Variants in EXOC4 observed in about 807,000 individuals in gnomAD.
The protein encoded by EXOC4 is exocyst complex component 4.
Under a neutral mutation model 107.2 loss-of-function variants are expected in EXOC4, and 71 were observed. That is an observed-to-expected ratio of 0.66 (90% CI 0.55 to 0.81). The LOEUF is 0.81. Among genes scored for constraint, EXOC4 ranks in the 30% least tolerant of loss-of-function variants. The probability of loss-of-function intolerance (pLI) is 0.00; values close to 1 mark genes in which losing one functional copy is unlikely to be tolerated. For missense variants in EXOC4, 1,108 were observed against 1,189.6 expected, an observed-to-expected ratio of 0.93 and a Z score of 1.01; for synonymous variants, 456 against 441.2, an observed-to-expected ratio of 1.03 and a Z score of -0.42.
chr7:133,336,923 C>T (rs534350274), intron 5 of EXOC4, among the ~76,000 whole-genome samples: 35 of 151,770 alleles, frequency 2.3e-4, no homozygotes, highest in South Asian at 2.1e-4. Flanking sequence ...TTAGTAGAGA[C>T]GGGGTTTCAC....
chr7:134,086,139 G>A, the EXOC4 span, among the ~76,000 whole-genome samples: 1 of 152,186 alleles, frequency 6.6e-6, no homozygotes, highest in Non-Finnish European at 1.5e-5. Flanking sequence ...TAGGACTTCA[G>A]TCATAAAAGG....
At chr7:133,653,914 T>C (rs1375316849) in intron 10 of EXOC4, among the ~76,000 whole-genome samples, 7 of 152,174 alleles carry the variant, frequency 4.6e-5, no homozygotes, top group Admixed American at 4.6e-4. Context: ...AGAAATTCTG[T>C]TTCTGTTGGC....
intron 10 of EXOC4, among the ~76,000 whole-genome samples, chr7:133,802,879 A>G (rs1444726677): frequency 6.6e-6 from 1 of 150,512 alleles, no homozygotes; most frequent in Admixed American, 6.6e-5. Flanking sequence ...GGAGAGAGAG[A>G]GAAAATACAG....
intron 17 of EXOC4, among the ~76,000 whole-genome samples, chr7:134,026,953 G>C (rs916507619): frequency 7.9e-5 from 12 of 152,260 alleles, no homozygotes; most frequent in Admixed American, 2.0e-4. Flanking sequence ...GGTTGTTACA[G>C]TATGTTGAAC....
chr7:133,939,144 T>G (rs1053915217), intron 14 of EXOC4, among the ~76,000 whole-genome samples: 1 of 152,204 alleles, frequency 6.6e-6, no homozygotes, highest in Admixed American at 6.5e-5. Flanking sequence ...AAATCACCTC[T>G]GAATTTAATA....
the EXOC4 span, among the ~76,000 whole-genome samples, chr7:134,095,564 C>T: frequency 1.3e-5 from 2 of 152,238 alleles, no homozygotes; most frequent in East Asian, 3.9e-4. Context: ...TACCCAACTT[C>T]AAATTATACT....
At chr7:133,263,615 C>A (rs759932009) in intron 1 of EXOC4, among the ~76,000 whole-genome samples, 1 of 152,028 alleles carries the variant, frequency 6.6e-6, no homozygotes, top group Non-Finnish European at 1.5e-5. Context: ...CTCCTGGCCT[C>A]AAGCAATCTG....
chr7:133,392,479 G>A (rs1055555247), intron 7 of EXOC4, among the ~76,000 whole-genome samples: 4 of 152,096 alleles, frequency 2.6e-5, no homozygotes, highest in African/African-American at 9.7e-5. Context: ...TGTGTATAGG[G>A]TCAGTGTCTT....
chr7:133,303,160 C>T (rs993051104), intron 3 of EXOC4, among the ~76,000 whole-genome samples: 13 of 152,118 alleles, frequency 8.5e-5, no homozygotes, highest in Admixed American at 2.6e-4. Flanking sequence ...TAGGGCTGGG[C>T]GCAGTGGCTC....
chr7:133,308,461 C>T lies in EXOC4; in HGVS notation c.656+2400C>T, dbSNP rs966095977. Among the ~76,000 whole-genome samples the T allele has an allele frequency of 7.2e-5, 11 of 152,100 alleles. 1 individual carries two copies. Among genetic ancestry groups the T allele is most frequent in the Non-Finnish European group, 4.4e-5 (3 of 68,024 alleles). ...CAGGGAGAAGATGGTCACCTACAAG[C>T]GAAGGAGAGAGGTCTCAGAAGAAAC... On this transcript the variant is annotated intron_variant, in intron 4 of 17. Transcript: ENST00000253861.
chr7:134,027,045 G>C (rs889859721), intron 17 of EXOC4, among the ~76,000 whole-genome samples: 2 of 152,012 alleles, frequency 1.3e-5, no homozygotes, highest in Non-Finnish European at 2.9e-5. Context: ...TGATTAAGGG[G>C]GGGGATTCAC....
intron 12 of EXOC4, among the ~76,000 whole-genome samples, chr7:133,910,225 A>G (rs1799660941): frequency 6.6e-6 from 1 of 152,208 alleles, no homozygotes; most frequent in African/African-American, 2.4e-5. Context: ...TCCAGCTGAG[A>G]CAGATTTTAT....
intron 10 of EXOC4, among the ~76,000 whole-genome samples, chr7:133,737,305 G>A (rs1795464302): frequency 1.3e-5 from 2 of 151,960 alleles, no homozygotes; most frequent in Admixed American, 1.3e-4. Context: ...ATAGTTCTCT[G>A]CCAGCATTTT....
chr7:133,898,278 A>AT (rs1379799603), intron 12 of EXOC4, among the ~76,000 whole-genome samples: 2 of 152,052 alleles, frequency 1.3e-5, no homozygotes, highest in South Asian at 2.1e-4. Context: ...TTTCAAAATT[A>AT]TTTTAAAGGA....
chr7:133,421,808 C>T (rs1163858896), intron 7 of EXOC4, among the ~76,000 whole-genome samples: 1 of 152,108 alleles, frequency 6.6e-6, no homozygotes, highest in Non-Finnish European at 1.5e-5. Context: ...TCCCCCAATG[C>T]CTACATAATT....
chr7:133,498,589 A>G (rs1317556455), intron 9 of EXOC4, among the ~76,000 whole-genome samples: 1 of 151,884 alleles, frequency 6.6e-6, no homozygotes, highest in Non-Finnish European at 1.5e-5. Context: ...CGTCTCAAAA[A>G]CAAACAAACA....
At chr7:133,961,503 G>C (rs968459799) in intron 14 of EXOC4, among the ~76,000 whole-genome samples, 7 of 151,954 alleles carry the variant, frequency 4.6e-5, no homozygotes, top group Admixed American at 4.6e-4. Flanking sequence ...GGCCAGGCTG[G>C]TCTTGAACTC....
At chr7:133,900,726 A>T (rs1390603218) in intron 12 of EXOC4, among the ~76,000 whole-genome samples, 1 of 152,206 alleles carries the variant, frequency 6.6e-6, no homozygotes, top group Non-Finnish European at 1.5e-5. Flanking sequence ...GAGATAGTAA[A>T]GAGGTAAACT....
chr7:133,789,399 A>G (rs1369115385), intron 10 of EXOC4, among the ~76,000 whole-genome samples: 1 of 152,192 alleles, frequency 6.6e-6, no homozygotes, highest in East Asian at 1.9e-4. Flanking sequence ...CTCCTCCCCC[A>G]GGACCAAAGG....
Sources: gnomAD v4.1 joint callset for allele counts (sites outside exome capture counted in the v4.1 genomes callset) on GRCh38, gnomAD v4.1.1 for gene constraint, MANE v1.5 for transcripts, NCBI Gene and HGNC (gene_info 2026-07-23, HGNC 2026-07-21) for gene names.